Variants in GSTCD observed in about 807,000 individuals in gnomAD.
The protein encoded by GSTCD is glutathione S-transferase C-terminal domain containing, also known as glutathione S-transferase C-terminal domain-containing protein.
GSTCD carries 44 observed loss-of-function variants against 68.3 expected under a neutral mutation model. That is an observed-to-expected ratio of 0.64 (90% CI 0.51 to 0.83). The LOEUF (loss-of-function observed/expected upper bound fraction) is 0.83. Ranked by LOEUF, GSTCD falls within the 40% of genes least tolerant of loss-of-function variation. The probability of loss-of-function intolerance (pLI) is 0.00; values close to 1 mark genes in which losing one functional copy is unlikely to be tolerated. For missense variants in GSTCD, 739 were observed against 735.9 expected, an observed-to-expected ratio of 1.00 and a Z score of -0.05; for synonymous variants, 273 against 255.2, an observed-to-expected ratio of 1.07 and a Z score of -0.67.
Position 105,717,964 on chromosome 4 carries a change from T to C in GSTCD, c.351T>C (p.Tyr117=). The change falls in exon 2 of 12, where the codon TAT becomes TAC. Residue 117 remains tyrosine (Y), a synonymous_variant. Coordinates refer to ENST00000515279, the MANE Select transcript of GSTCD (RefSeq NM_001370181.1). The part of the protein sequence containing the change: ...VVLRHIIQKS[Y]EADPLKKELL... Reference sequence around the variant, plus strand: ...TGAGACACATAATCCAGAAATCCTATGAAGCAGACCCCTTAAAGAAGGAAC... The same window carrying C: ...TGAGACACATAATCCAGAAATCCTACGAAGCAGACCCCTTAAAGAAGGAAC... 6.2e-7 allele frequency: 1 copy of C among 1,614,098 alleles called. No individual in the cohort carries two copies. The highest frequency in any genetic ancestry group is 8.5e-7 in the Non-Finnish European group (1 of 1,179,978).
rs1179911988 is a variant in GSTCD at position 105,830,568 on chromosome 4, A to G, written c.1531-3893A>G. Among the ~76,000 whole-genome samples the G allele has an allele frequency of 2.0e-5, 3 of 152,152 alleles. No individual in the cohort carries two copies. In the South Asian group the frequency reaches 6.2e-4, roughly 32 times the overall value. Reference sequence around the variant, plus strand: ...CCAATACAAGAGAAAAATTTTTAGTATCATGGGAGAGGGAAGTCTTAGGGC... The same window carrying G: ...CCAATACAAGAGAAAAATTTTTAGTGTCATGGGAGAGGGAAGTCTTAGGGC... On this transcript the variant is annotated intron_variant, in intron 8 of 11. Transcript: ENST00000515279.
intron 7 of GSTCD, 140 bp downstream of exon 7, chr4:105,823,415 A>C (rs1445154560): frequency 3.4e-6 from 2 of 582,572 alleles, no homozygotes; most frequent in Non-Finnish European, 6.0e-6. Context: ...TTTTCTTTGA[A>C]ATAAACTTTC....
intron 8 of GSTCD, among the ~76,000 whole-genome samples, chr4:105,830,525 A>T (rs1723851915): frequency 6.6e-6 from 1 of 152,170 alleles, no homozygotes; most frequent in Non-Finnish European, 1.5e-5. Context: ...GTAAATAAGA[A>T]AAAGGATTAA....
intron 5 of GSTCD, among the ~76,000 whole-genome samples, chr4:105,733,754 G>A (rs368976133): frequency 3.3e-4 from 50 of 152,264 alleles, no homozygotes; most frequent in African/African-American, 8.2e-4. Context: ...TATTTTGCTC[G>A]TTAGTTGATG....
At chr4:105,741,742 A>G (rs1014591959) in intron 5 of GSTCD, among the ~76,000 whole-genome samples, 4 of 152,148 alleles carry the variant, frequency 2.6e-5, no homozygotes, top group Non-Finnish European at 5.9e-5. Context: ...TTACATCCCT[A>G]TAATTGGATC....
chr4:105,817,291 A>G (rs962719375), intron 5 of GSTCD, among the ~76,000 whole-genome samples: 4 of 151,892 alleles, frequency 2.6e-5, no homozygotes, highest in African/African-American at 9.7e-5. Context: ...TACTTATGAG[A>G]TCATTATTCC....
chr4:105,803,800 A>T (rs1272656750), intron 5 of GSTCD, among the ~76,000 whole-genome samples: 1 of 152,040 alleles, frequency 6.6e-6, no homozygotes, highest in East Asian at 1.9e-4. Context: ...ATTTATATGA[A>T]GTTTAGGAAA....
rs555984273 is a variant in GSTCD at position 105,839,164 on chromosome 4, A to C, written c.1695+1275A>C. The stretch of plus-strand genomic sequence containing the variant: ...GGAAAGGGGAGAACTTTTAGTGTTC[A>C]TGCTTTCAGCCAAAACCACAACATT... On this transcript the variant is annotated intron_variant, in intron 10 of 11. Transcript: ENST00000515279. Among the ~76,000 whole-genome samples, 7 of 152,302 alleles carry C rather than the reference A, an allele frequency of 4.6e-5. No homozygotes were observed. The South Asian group carries it at 1.0e-3, about 23-fold the overall frequency.
At chr4:105,773,352 G>A (rs912145971) in intron 5 of GSTCD, among the ~76,000 whole-genome samples, 5 of 151,674 alleles carry the variant, frequency 3.3e-5, no homozygotes, top group African/African-American at 1.2e-4. Context: ...TCATGTCTCT[G>A]TCTCCCTCAG....
chr4:105,828,216 T>C (rs1172665064), intron 8 of GSTCD, among the ~76,000 whole-genome samples: 1 of 152,228 alleles, frequency 6.6e-6, no homozygotes, highest in Non-Finnish European at 1.5e-5. Context: ...TGCTTTTTGC[T>C]ATTTTGCCCA....
chr4:105,717,772 C>T lies in GSTCD; in HGVS notation c.159C>T (p.Thr53=). The change falls in exon 2 of 12, where the codon ACC becomes ACT. Residue 53 remains threonine, a synonymous_variant. Transcript: ENST00000515279. ...CKIFKICLVV[T]KEVSRDSSLL... is the part of the protein sequence containing the mutation. ...TCTTTAAAATTTGCTTAGTTGTCAC[C>T]AAAGAGGTGAGTAGAGATAGTTCAC... The T allele has an allele frequency of 6.2e-7, 1 of 1,613,714 alleles. No individual in the cohort carries two copies. Among genetic ancestry groups the T allele is most frequent in the Non-Finnish European group, 8.5e-7 (1 of 1,179,790 alleles).
chr4:105,806,375 A>G (rs1462460251), intron 5 of GSTCD, among the ~76,000 whole-genome samples: 1 of 152,106 alleles, frequency 6.6e-6, no homozygotes, highest in Non-Finnish European at 1.5e-5. Flanking sequence ...GAGATAAGGT[A>G]TACAAGGTTC....
intron 4 of GSTCD, among the ~76,000 whole-genome samples, chr4:105,728,637 T>A (rs1257085975): frequency 7.0e-6 from 1 of 143,806 alleles, no homozygotes; most frequent in Non-Finnish European, 1.5e-5. Flanking sequence ...AGGTTATTCC[T>A]AAAGATAAAA....
intron 5 of GSTCD, among the ~76,000 whole-genome samples, chr4:105,772,328 T>C (rs1477779255): frequency 6.6e-6 from 1 of 152,224 alleles, no homozygotes; most frequent in African/African-American, 2.4e-5. Context: ...TGACTTCCTC[T>C]CTTCCTATTT....
At chr4:105,731,065 G>T (rs1218409780) in intron 5 of GSTCD, among the ~76,000 whole-genome samples, 1 of 152,024 alleles carries the variant, frequency 6.6e-6, no homozygotes, top group African/African-American at 2.4e-5. Context: ...ATTTCTGAGG[G>T]CTCTGTTCTG....
At chr4:105,764,643 C>T (rs758353501) in intron 5 of GSTCD, among the ~76,000 whole-genome samples, 61 of 152,254 alleles carry the variant, frequency 4.0e-4, no homozygotes, top group Non-Finnish European at 6.9e-4. Context: ...CTTATAAGGA[C>T]ACCAGTCCTG....
At chr4:105,776,646 A>C (rs369761919) in intron 5 of GSTCD, among the ~76,000 whole-genome samples, 1 of 151,942 alleles carries the variant, frequency 6.6e-6, no homozygotes, top group East Asian at 1.9e-4. Flanking sequence ...CCCTGCTTCA[A>C]CTCACCTCTG....
intron 3 of GSTCD, among the ~76,000 whole-genome samples, chr4:105,725,239 C>T (rs1321465434): frequency 6.6e-6 from 1 of 152,028 alleles, no homozygotes; most frequent in Non-Finnish European, 1.5e-5. Context: ...TTTATCCATT[C>T]ATCTACTGAA....
At chr4:105,743,599 A>G (rs1028162376) in intron 5 of GSTCD, among the ~76,000 whole-genome samples, 3 of 151,230 alleles carry the variant, frequency 2.0e-5, no homozygotes, top group Non-Finnish European at 4.4e-5. Flanking sequence ...TAAGTTGCAG[A>G]CATTGTTCAC....
Sources: gnomAD v4.1 joint callset for allele counts (sites outside exome capture counted in the v4.1 genomes callset) on GRCh38, gnomAD v4.1.1 for gene constraint, MANE v1.5 for transcripts, NCBI Gene and HGNC (gene_info 2026-07-23, HGNC 2026-07-21) for gene names.